Variants in PRKAG2 observed in about 807,000 individuals in gnomAD.
The protein encoded by PRKAG2 is 5'-AMP-activated protein kinase subunit gamma-2.
PRKAG2 carries 26 observed loss-of-function variants against 69.6 expected under a neutral mutation model. The ratio of observed to expected loss-of-function variants is 0.37; its 90% CI spans 0.27 to 0.52. PRKAG2 has a LOEUF of 0.52. PRKAG2 is among the 20% of genes least tolerant of loss of function. The probability of loss-of-function intolerance (pLI) is 0.90; values close to 1 mark genes in which losing one functional copy is unlikely to be tolerated. For missense variants in PRKAG2, 557 were observed against 740.0 expected (o/e 0.75, Z 2.87); for synonymous variants, 293 against 285.0 (o/e 1.03, Z -0.28).
chr7:151,724,816 A>G (rs1334349679), intron 3 of PRKAG2, among the ~76,000 whole-genome samples: 2 of 152,074 alleles, frequency 1.3e-5, no homozygotes, highest in Admixed American at 6.5e-5. Context: ...TGACAGTGGA[A>G]CAGAGGGTGG....
chr7:151,558,552 C>A (rs80045144), intron 15 of PRKAG2: 3 of 921,102 alleles, frequency 3.3e-6, no homozygotes, highest in Non-Finnish European at 3.9e-6. Context: ...CTTGGCCTCA[C>A]GGTGGGGGCC....
chr7:151,569,881 G>A lies in PRKAG2; in HGVS notation c.1106+290C>T, dbSNP rs973763867. ...CCCTATCCTGATTTAGCAGGTCAGGGGTAAAAGCCCAGGAATCTGCAATTT... is the reference window on the plus strand; with the variant it reads ...CCCTATCCTGATTTAGCAGGTCAGGAGTAAAAGCCCAGGAATCTGCAATTT... On this transcript the variant is annotated intron_variant, in intron 10 of 15. Transcript: ENST00000287878. 2.6e-5 allele frequency among the ~76,000 whole-genome samples: 4 copies of A among 152,250 alleles called. No individual in the cohort carries two copies. The South Asian group carries it at 8.3e-4, about 32-fold the overall frequency.
chr7:151,778,875 A>G (rs2076531707), intron 3 of PRKAG2, among the ~76,000 whole-genome samples: 1 of 152,242 alleles, frequency 6.6e-6, no homozygotes, highest in Non-Finnish European at 1.5e-5. Flanking sequence ...AGTCCAATGC[A>G]TGTCCTTTTA....
intron 5 of PRKAG2, among the ~76,000 whole-genome samples, chr7:151,602,924 A>G (rs2151174270): frequency 6.6e-6 from 1 of 152,290 alleles, no homozygotes; most frequent in Admixed American, 6.5e-5. Context: ...CATGATTGTA[A>G]GTTTCCTGAG....
chr7:151,700,496 G>A (rs1250865820), intron 3 of PRKAG2, among the ~76,000 whole-genome samples: 2 of 152,194 alleles, frequency 1.3e-5, no homozygotes, highest in African/African-American at 4.8e-5. Flanking sequence ...CAAGAATCAG[G>A]ACCCCCTTTT....
chr7:151,602,162 T>C (rs1031771398), intron 5 of PRKAG2, among the ~76,000 whole-genome samples: 3 of 152,354 alleles, frequency 2.0e-5, no homozygotes, highest in South Asian at 4.1e-4. Flanking sequence ...AGTGTGGAAT[T>C]GGCGCAAAAC....
rs1304458769 is a variant in PRKAG2 at position 151,781,437 on chromosome 7, G to GA, written c.187-7dup. On this transcript the variant is annotated splice_polypyrimidine_tract_variant and splice_region_variant and intron_variant, in intron 2 of 15. Transcript: ENST00000287878. This position sits in a 1 kb window ranked among gnomAD's most constrained non-coding sequence, Gnocchi z 6.1. Reference sequence around the variant, plus strand: ...GGGCCGAAGGGGCTGTCCACCTGCAGAAAAACAGACGAATGGATGCAGTCA... The same window carrying GA: ...GGGCCGAAGGGGCTGTCCACCTGCAGAAAAAACAGACGAATGGATGCAGTCA... The GA allele has an allele frequency of 3.7e-6, 6 of 1,601,432 alleles. No individual in the cohort carries two copies. In the African/African-American group the frequency reaches 6.7e-5, roughly 18 times the overall value.
At chr7:151,585,918 C>T (rs1013798836) in intron 6 of PRKAG2, among the ~76,000 whole-genome samples, 27 of 152,156 alleles carry the variant, frequency 1.8e-4, no homozygotes, top group Non-Finnish European at 3.1e-4. Flanking sequence ...CCTGAGCTGC[C>T]GCCGCAGAGC....
chr7:151,581,647 G>T (rs906747764), intron 6 of PRKAG2, among the ~76,000 whole-genome samples: 1 of 152,142 alleles, frequency 6.6e-6, no homozygotes, highest in Non-Finnish European at 1.5e-5. Context: ...TTGATATTTT[G>T]ATATTTAATG....
chr7:151,603,948 C>A (rs1057468225), intron 5 of PRKAG2, among the ~76,000 whole-genome samples: 3 of 147,494 alleles, frequency 2.0e-5, no homozygotes, highest in African/African-American at 7.9e-5. Flanking sequence ...TTTACTTCAA[C>A]CTAGGTATAA....
chr7:151,602,937 C>T (rs761311264), intron 5 of PRKAG2, among the ~76,000 whole-genome samples: 31 of 152,292 alleles, frequency 2.0e-4, no homozygotes, highest in Middle Eastern at 3.4e-3. Context: ...TTCCTGAGGC[C>T]CCTCCAGCCA....
At chr7:151,615,519 T>A (rs1028891770) in intron 5 of PRKAG2, among the ~76,000 whole-genome samples, 1 of 152,180 alleles carries the variant, frequency 6.6e-6, no homozygotes, top group Non-Finnish European at 1.5e-5. Flanking sequence ...GATTTCGTGA[T>A]GAAGATGCCA....
chr7:151,772,479 G>C (rs151166897), intron 3 of PRKAG2, among the ~76,000 whole-genome samples: 1 of 152,260 alleles, frequency 6.6e-6, no homozygotes, highest in Non-Finnish European at 1.5e-5. Context: ...AATGCATCCA[G>C]CTCTCCTCTA....
intron 1 of PRKAG2, among the ~76,000 whole-genome samples, chr7:151,848,506 G>C (rs1045765725): frequency 7.8e-6 from 1 of 127,918 alleles, no homozygotes; most frequent in African/African-American, 3.1e-5. Context: ...AGAAAATACT[G>C]CATGTCTTTT....
intron 3 of PRKAG2, among the ~76,000 whole-genome samples, chr7:151,776,334 C>T (rs758993203): frequency 1.4e-4 from 21 of 152,192 alleles, no homozygotes; most frequent in Admixed American, 2.6e-4. Context: ...CTGTCTACCC[C>T]GATGGTGTAA....
chr7:151,632,363 G>A lies in PRKAG2; in HGVS notation c.685-225C>T, dbSNP rs960198976. On this transcript the variant is annotated intron_variant, in intron 4 of 15. Transcript: ENST00000287878. This position sits in a 1 kb window ranked among gnomAD's most constrained non-coding sequence, Gnocchi z 4.2. Reference sequence around the variant, plus strand: ...CAGGTGGCGCGGCCGCGGCCCGCGTGCCCCTCCGCGAGTGGGACGCGCCGC... The same window carrying A: ...CAGGTGGCGCGGCCGCGGCCCGCGTACCCCTCCGCGAGTGGGACGCGCCGC... The A allele has an allele frequency of 5.1e-4, 258 of 505,580 alleles. 2 individuals are homozygous for A. Among genetic ancestry groups the A allele is most frequent in the African/African-American group, 5.1e-3 (243 of 47,682 alleles). 31.3% of individuals were successfully genotyped at this position (505,580 alleles called of 1,614,324 possible).
At chr7:151,737,909 G>C (rs1359909786) in intron 3 of PRKAG2, among the ~76,000 whole-genome samples, 1 of 150,138 alleles carries the variant, frequency 6.7e-6, no homozygotes, top group East Asian at 2.0e-4. Flanking sequence ...TCCATCCACA[G>C]AAGCCAGAGA....
chr7:151,571,546 A>G (rs1448938384), intron 9 of PRKAG2, among the ~76,000 whole-genome samples: 1 of 152,212 alleles, frequency 6.6e-6, no homozygotes, highest in Non-Finnish European at 1.5e-5. Flanking sequence ...GGCGTTTAAG[A>G]ATATTTTGGC....
intron 1 of PRKAG2, among the ~76,000 whole-genome samples, chr7:151,844,990 T>C (rs998674802): frequency 4.6e-5 from 7 of 152,070 alleles, no homozygotes; most frequent in Non-Finnish European, 2.9e-5. Flanking sequence ...CTCGGTGCTG[T>C]TGAAAAGAGT....
Sources: allele counts gnomAD v4.1 joint callset (sites outside exome capture counted in the v4.1 genomes callset), GRCh38; gene constraint gnomAD v4.1.1; non-coding constraint Gnocchi (gnomAD v3.1); transcripts MANE v1.5; gene names NCBI Gene and HGNC (gene_info 2026-07-23, HGNC 2026-07-21).